Variants in SDCCAG8 observed in about 807,000 individuals in gnomAD.
SDCCAG8 encodes SHH signaling and ciliogenesis regulator SDCCAG8.
A neutral mutation model predicts 101.8 loss-of-function variants in SDCCAG8; 74 were observed. The observed-to-expected ratio is 0.73, with a 90% CI of 0.60 to 0.88. The LOEUF (loss-of-function observed/expected upper bound fraction) is 0.88, where lower values mean the gene tolerates loss of function less well. Among genes scored for constraint, SDCCAG8 ranks in the 40% least tolerant of loss-of-function variants. The probability of loss-of-function intolerance (pLI) is 0.00; values close to 1 mark genes in which losing one functional copy is unlikely to be tolerated. For synonymous variants in SDCCAG8, 281 were observed against 292.9 expected, an observed-to-expected ratio of 0.96 and a Z score of 0.41; for missense variants, 787 against 822.6, an observed-to-expected ratio of 0.96 and a Z score of 0.53.
At chr1:243,270,064 A>G (rs1351102534) in intron 1 of SDCCAG8, 41 bp from the exon 2 acceptor site, 2 of 1,614,098 alleles carry the variant, frequency 1.2e-6, no homozygotes, top group Middle Eastern at 1.7e-4. Context: ...TTGGTCAACC[A>G]GACTCCATGG....
chr1:243,483,619 C>T lies in SDCCAG8; in HGVS notation c.1986-5395C>T, dbSNP rs112921819. Among the ~76,000 whole-genome samples, 79 of 151,520 alleles carry T rather than the reference C, an allele frequency of 5.2e-4. 1 individual carries two copies. The highest frequency in any genetic ancestry group is 1.1e-3 in the Admixed American group (17 of 15,268). ...AGCCCCTCACCAGAAGAGGCTTTCT[C>T]TTCCAGCCCCTGAAATCTGGCTTCT... On this transcript the variant is annotated intron_variant, in intron 16 of 17. Coordinates refer to ENST00000366541, the MANE Select transcript of SDCCAG8 (RefSeq NM_006642.5).
intron 12 of SDCCAG8, among the ~76,000 whole-genome samples, chr1:243,371,845 A>G (rs1467398502): frequency 6.6e-6 from 1 of 152,140 alleles, no homozygotes; most frequent in East Asian, 1.9e-4. Context: ...ACTTTCCAAT[A>G]TGGTAGCCAT....
At chr1:243,400,543 G>A (rs767326120) in intron 13 of SDCCAG8, among the ~76,000 whole-genome samples, 1 of 152,134 alleles carries the variant, frequency 6.6e-6, no homozygotes, top group Non-Finnish European at 1.5e-5. Context: ...GGGGGTGTGG[G>A]GTGGGGAAGC....
chr1:243,395,196 T>C (rs2078966902), intron 13 of SDCCAG8, among the ~76,000 whole-genome samples: 1 of 152,164 alleles, frequency 6.6e-6, no homozygotes, highest in African/African-American at 2.4e-5. Context: ...TGAAACGCAG[T>C]TTACTCAGAG....
chr1:243,315,058 G>C (rs1421295072), intron 8 of SDCCAG8, among the ~76,000 whole-genome samples: 1 of 152,092 alleles, frequency 6.6e-6, no homozygotes, highest in Non-Finnish European at 1.5e-5. Flanking sequence ...GTGACTGCAT[G>C]GTATCAGGAA....
chr1:243,283,833 T>G (rs756195929), intron 4 of SDCCAG8, among the ~76,000 whole-genome samples: 3 of 152,134 alleles, frequency 2.0e-5, no homozygotes, highest in Non-Finnish European at 2.9e-5. Flanking sequence ...CTCTGCCTCC[T>G]GGGTTCAAGT....
intron 16 of SDCCAG8, among the ~76,000 whole-genome samples, chr1:243,450,341 C>A (rs182137913): frequency 5.9e-5 from 9 of 152,218 alleles, no homozygotes; most frequent in South Asian, 4.1e-4. Context: ...TTCCACCACA[C>A]CATTAGGGTT....
intron 1 of SDCCAG8, chr1:243,267,427 C>T: frequency 3.3e-6 from 1 of 304,670 alleles, no homozygotes; most frequent in South Asian, 2.9e-5. Context: ...GGAGAAACCC[C>T]GTCTCTACTA....
chr1:243,482,297 G>A (rs367697264), intron 16 of SDCCAG8, among the ~76,000 whole-genome samples: 1 of 152,158 alleles, frequency 6.6e-6, no homozygotes, highest in Non-Finnish European at 1.5e-5. Context: ...TGCTTGCAGG[G>A]TGTGGCTCAG....
intron 6 of SDCCAG8, among the ~76,000 whole-genome samples, chr1:243,294,506 C>CGA (rs74162272): frequency 2.5e-4 from 26 of 105,930 alleles, no homozygotes; most frequent in African/African-American, 6.4e-4. Flanking sequence ...AGAGAAAGAG[C>CGA]GAGAGAGAGA....
intron 16 of SDCCAG8, among the ~76,000 whole-genome samples, chr1:243,477,691 G>C (rs1231292934): frequency 5.3e-5 from 8 of 152,250 alleles, no homozygotes; most frequent in African/African-American, 1.9e-4. Flanking sequence ...GTTCCTGTCA[G>C]AGGCAGCTGT....
chr1:243,444,562 G>A (rs1233101217), intron 16 of SDCCAG8, among the ~76,000 whole-genome samples: 1 of 151,926 alleles, frequency 6.6e-6, no homozygotes, highest in Admixed American at 6.6e-5. Flanking sequence ...AGCAGAGATG[G>A]GGTTTCACCA....
intron 13 of SDCCAG8, among the ~76,000 whole-genome samples, chr1:243,401,276 T>A (rs900350280): frequency 6.6e-6 from 1 of 152,246 alleles, no homozygotes; most frequent in Non-Finnish European, 1.5e-5. Flanking sequence ...ACTGGCTTAT[T>A]TGTATTCCTC....
In SDCCAG8 at chr1:243,271,052, A is replaced by G; in HGVS notation, c.295A>G (p.Met99Val). ...AGTATCTCCGTCAAGAAGAAGAAAAATGTCCCCCTTGGTAAGTATCAACTT... is the reference window on the plus strand; with the variant it reads ...AGTATCTCCGTCAAGAAGAAGAAAAGTGTCCCCCTTGGTAAGTATCAACTT... ...SEVSPSRRRK[M>V]SPLRSLEHEE... The change falls in exon 3 of 18, where the codon ATG becomes GTG. Residue 99 changes from methionine to valine, a missense_variant. Transcript: ENST00000366541. 1 of 1,609,592 alleles carries G rather than the reference A, an allele frequency of 6.2e-7. No homozygotes were observed. Among genetic ancestry groups the G allele is most frequent in the South Asian group, 1.1e-5 (1 of 91,004 alleles).
intron 7 of SDCCAG8, among the ~76,000 whole-genome samples, chr1:243,306,878 C>T (rs1421229255): frequency 6.6e-6 from 1 of 151,822 alleles, no homozygotes; most frequent in African/African-American, 2.4e-5. Flanking sequence ...TTGAAAGCCC[C>T]CAAAATCTCA....
At chr1:243,364,670 T>A (rs2076895224) in intron 12 of SDCCAG8, among the ~76,000 whole-genome samples, 1 of 152,196 alleles carries the variant, frequency 6.6e-6, no homozygotes, top group Non-Finnish European at 1.5e-5. Context: ...AAAATTAAAA[T>A]ACAGTTTCCT....
At chr1:243,469,066 T>A (rs931868126) in intron 16 of SDCCAG8, among the ~76,000 whole-genome samples, 12 of 152,224 alleles carry the variant, frequency 7.9e-5, no homozygotes, top group African/African-American at 2.9e-4. Flanking sequence ...AAGGATTTGC[T>A]TAGGATCATG....
At chr1:243,308,742 C>T (rs1374566300) in intron 8 of SDCCAG8, among the ~76,000 whole-genome samples, 3 of 152,220 alleles carry the variant, frequency 2.0e-5, no homozygotes, top group Non-Finnish European at 4.4e-5. Context: ...CTGAGTGAAA[C>T]AATTCTCTTC....
At chr1:243,402,528 C>T (rs942252193) in intron 13 of SDCCAG8, among the ~76,000 whole-genome samples, 1 of 151,528 alleles carries the variant, frequency 6.6e-6, no homozygotes, top group Non-Finnish European at 1.5e-5. Flanking sequence ...TTATTAATGA[C>T]GTATTTTAAA....
Sources: gnomAD v4.1 joint callset for allele counts (sites outside exome capture counted in the v4.1 genomes callset) on GRCh38, gnomAD v4.1.1 for gene constraint, MANE v1.5 for transcripts, NCBI Gene and HGNC (gene_info 2026-07-23, HGNC 2026-07-21) for gene names.